The following SBF2 variants were observed in gnomAD, a reference collection of about 807,000 sequenced individuals.
SBF2 encodes myotubularin-related protein 13.
SBF2 carries 112 observed loss-of-function variants against 225.2 expected under a neutral mutation model. The ratio of observed to expected loss-of-function variants is 0.50; its 90% confidence interval spans 0.43 to 0.58. The LOEUF is 0.58. SBF2 is among the 20% of genes least tolerant of loss of function. The pLI is 0.00. For missense variants in SBF2, 1,996 were observed against 2,206.2 expected, an observed-to-expected ratio of 0.90 and a Z score of 1.91; for synonymous variants, 763 against 773.3, an observed-to-expected ratio of 0.99 and a Z score of 0.22.
chr11:10,081,119 C>T (rs1361467055), intron 2 of SBF2, among the ~76,000 whole-genome samples: 1 of 152,020 alleles, frequency 6.6e-6, no homozygotes, highest in Non-Finnish European at 1.5e-5. Flanking sequence ...ACATTCTATA[C>T]AAGGAATATA....
Position 9,832,260 on chromosome 11 carries a change from C to T in SBF2, c.3616G>A (p.Val1206Ile), listed in dbSNP as rs1307459430. ...GAGTTCTGAGATTTGAAAAGACCAA[C>T]GACTCCCTTCCCATGGAATCCTCCA... is the stretch of plus-strand genomic sequence containing the variant. The part of the protein sequence containing the change: ...RSGGFHGKGV[V>I]GLFKSQNSPQ... Residue 1206 changes from valine to isoleucine, a missense_variant, in exon 27 of 40, where the codon GTT becomes ATT. By Grantham distance (29) the Val-to-Ile change is conservative. Transcript: ENST00000256190. 4.3e-6 allele frequency: 7 copies of T among 1,614,156 alleles called. No homozygotes were observed. Among genetic ancestry groups the T allele is most frequent in the South Asian group, 2.2e-5 (2 of 91,088 alleles).
At chr11:10,085,741 C>A (rs1024579964) in intron 2 of SBF2, among the ~76,000 whole-genome samples, 2 of 152,036 alleles carry the variant, frequency 1.3e-5, no homozygotes, top group Non-Finnish European at 2.9e-5. Context: ...TTTAATGGCT[C>A]GTTTTGAGTG....
chr11:10,000,498 C>T (rs1947910559), intron 8 of SBF2, among the ~76,000 whole-genome samples: 1 of 152,144 alleles, frequency 6.6e-6, no homozygotes, highest in African/African-American at 2.4e-5. Flanking sequence ...TCATACCAAA[C>T]TTCTGTTCCA....
intron 17 of SBF2, among the ~76,000 whole-genome samples, chr11:9,890,423 G>A (rs1860705461): frequency 6.6e-6 from 1 of 152,092 alleles, no homozygotes; most frequent in Non-Finnish European, 1.5e-5. Flanking sequence ...TTTAAATGTT[G>A]AATGGAGAAT....
intron 16 of SBF2, among the ~76,000 whole-genome samples, chr11:9,912,401 A>C (rs529915093): frequency 1.3e-5 from 2 of 151,920 alleles, no homozygotes; most frequent in South Asian, 2.1e-4. Flanking sequence ...CCTGGCCAAC[A>C]TGGTGAAACC....
intron 2 of SBF2, among the ~76,000 whole-genome samples, chr11:10,129,106 T>C (rs1425199857): frequency 5.5e-4 from 79 of 142,642 alleles, no homozygotes; most frequent in Admixed American, 3.4e-3. Context: ...CTCTCTTTTT[T>C]TTTTTTTTTT....
chr11:9,934,312 A>G (rs1864723080), intron 16 of SBF2, among the ~76,000 whole-genome samples: 1 of 152,198 alleles, frequency 6.6e-6, no homozygotes, highest in African/African-American at 2.4e-5. Flanking sequence ...TGAGGCAATA[A>G]TAGCCTACCA....
intron 1 of SBF2, among the ~76,000 whole-genome samples, chr11:10,202,582 G>A (rs556454839): frequency 5.3e-4 from 81 of 152,222 alleles, no homozygotes; most frequent in East Asian, 1.2e-3. Flanking sequence ...TCAGGAGATC[G>A]AGACCATCCT....
intron 1 of SBF2, among the ~76,000 whole-genome samples, chr11:10,282,498 C>T (rs61889840): frequency 0.11 from 16,090 of 152,126 alleles, 1,001 homozygotes; most frequent in Non-Finnish European, 0.11. Flanking sequence ...TATAGACCAT[C>T]ACCTTTCACT....
At chr11:10,098,766 C>T (rs4910093) in intron 2 of SBF2, among the ~76,000 whole-genome samples, 1,525 of 147,398 alleles carry the variant, frequency 0.01, 17 homozygotes, top group East Asian at 0.036. Context: ...AAAAATGTAA[C>T]GGCCAACTTC....
intron 16 of SBF2, among the ~76,000 whole-genome samples, chr11:9,916,363 T>G (rs1386884410): frequency 6.6e-6 from 1 of 152,186 alleles, no homozygotes. Flanking sequence ...ATGTAATTGT[T>G]CCTGCTGAGC....
At chr11:10,211,220 C>T (rs937511493) in intron 1 of SBF2, among the ~76,000 whole-genome samples, 9 of 152,078 alleles carry the variant, frequency 5.9e-5, no homozygotes, top group African/African-American at 1.9e-4. Flanking sequence ...AGAGAAGATA[C>T]AGTTAGCTCT....
chr11:10,198,157 C>G (rs1195386221), intron 1 of SBF2, among the ~76,000 whole-genome samples: 1 of 152,148 alleles, frequency 6.6e-6, no homozygotes, highest in Non-Finnish European at 1.5e-5. Flanking sequence ...TGCCCAGATT[C>G]AATCAGAGGA....
At chr11:10,024,291 G>A (rs1296942009) in intron 6 of SBF2, among the ~76,000 whole-genome samples, 1 of 151,884 alleles carries the variant, frequency 6.6e-6, no homozygotes, top group Non-Finnish European at 1.5e-5. Context: ...AAATAAAATG[G>A]CTATGAACAT....
chr11:10,194,438 C>T (rs1451556364), intron 1 of SBF2, among the ~76,000 whole-genome samples: 2 of 152,074 alleles, frequency 1.3e-5, no homozygotes, highest in East Asian at 1.9e-4. Flanking sequence ...TTTTAGTATC[C>T]GTGAGGGTTC....
At chr11:9,797,331 A>C (rs1853183797) in intron 32 of SBF2, among the ~76,000 whole-genome samples, 2 of 152,214 alleles carry the variant, frequency 1.3e-5, no homozygotes, top group African/African-American at 2.4e-5. Flanking sequence ...AGGGTTTTCT[A>C]CATTTTCTTA....
At chr11:10,152,394 A>G (rs898195042) in intron 2 of SBF2, among the ~76,000 whole-genome samples, 2 of 151,940 alleles carry the variant, frequency 1.3e-5, no homozygotes, top group African/African-American at 4.8e-5. Flanking sequence ...TACTAAAAAT[A>G]CAAAATTAGC....
intron 16 of SBF2, chr11:9,959,167 AT>A (rs1866392775): frequency 1.2e-6 from 1 of 831,924 alleles, no homozygotes; most frequent in African/African-American, 1.7e-5. Flanking sequence ...ATGATCTTCC[AT>A]GCTGATTCCT....
chr11:9,795,748 G>A, intron 33 of SBF2, 83 bp downstream of exon 33: 1 of 1,497,452 alleles, frequency 6.7e-7, no homozygotes. Context: ...TGTCAGTCTT[G>A]GGGATAGTTA....
Sources: gnomAD v4.1 joint callset for allele counts (sites outside exome capture counted in the v4.1 genomes callset) on GRCh38, gnomAD v4.1.1 for gene constraint, MANE v1.5 for transcripts, NCBI Gene and HGNC (gene_info 2026-07-23, HGNC 2026-07-21) for gene names.